Variants in N4BP2 observed in about 807,000 individuals in gnomAD.
N4BP2 encodes NEDD4 binding protein 2.
Under a neutral mutation model 152.8 loss-of-function variants are expected in N4BP2, and 91 were observed. That is an observed-to-expected ratio of 0.60 (90% CI 0.50 to 0.71). The LOEUF (loss-of-function observed/expected upper bound fraction) is 0.71. Among genes scored for constraint, N4BP2 ranks in the 30% least tolerant of loss-of-function variants. The pLI is 0.00. For missense variants in N4BP2, 1,923 were observed against 2,059.1 expected, an observed-to-expected ratio of 0.93 and a Z score of 1.28; for synonymous variants, 646 against 705.3, an observed-to-expected ratio of 0.92 and a Z score of 1.33.
rs756852007 is a variant in N4BP2 at position 40,144,757 on chromosome 4, A to C, written c.5100A>C (p.Glu1700Asp). Residue 1700 changes from glutamate to aspartate, a missense_variant, in exon 16 of 18, where the codon GAA becomes GAC. Physicochemically the swap from Glu to Asp is conservative, Grantham distance 45. Coordinates refer to ENST00000261435, the MANE Select transcript of N4BP2 (RefSeq NM_018177.6). ...ACCTCCATGGGCTGCATGTGGATGA[A>C]GCTCTAGAACATTTGATGAGAGTTT... ...VLDLHGLHVD[E>D]ALEHLMRVLE... is the part of the protein sequence containing the mutation. 1 of 1,613,866 alleles carries C rather than the reference A, an allele frequency of 6.2e-7. No individual in the cohort carries two copies. Among genetic ancestry groups the C allele is most frequent in the Non-Finnish European group, 8.5e-7 (1 of 1,179,926 alleles).
chr4:40,075,640 C>T (rs1385002783), intron 2 of N4BP2, among the ~76,000 whole-genome samples: 1 of 152,168 alleles, frequency 6.6e-6, no homozygotes, highest in Non-Finnish European at 1.5e-5. Flanking sequence ...TTATGATTCG[C>T]CTGCCTCGGC....
intron 2 of N4BP2, among the ~76,000 whole-genome samples, chr4:40,078,489 T>G (rs574866634): frequency 2.0e-5 from 3 of 151,914 alleles, no homozygotes; most frequent in African/African-American, 7.2e-5. Flanking sequence ...TTGCGTATGG[T>G]GGCATAGCAA....
At chr4:40,167,889 T>G in the N4BP2 span, 1 of 152,054 alleles carries the variant, frequency 6.6e-6, no homozygotes, top group Non-Finnish European at 1.5e-5. Flanking sequence ...CAGCAAAACC[T>G]AAGAGGTGGT....
chr4:40,106,013 T>A (rs1716241056), intron 4 of N4BP2, among the ~76,000 whole-genome samples: 1 of 152,232 alleles, frequency 6.6e-6, no homozygotes. Flanking sequence ...TTTGTGTCTT[T>A]TTTTGTTCAT....
At chr4:40,190,384 A>G in the N4BP2 span, among the ~76,000 whole-genome samples, 1 of 152,390 alleles carries the variant, frequency 6.6e-6, no homozygotes, top group Admixed American at 6.5e-5. Flanking sequence ...CAGATTATGC[A>G]TAAGGAATAA....
At chr4:40,116,594 C>T (rs1717358806) in intron 7 of N4BP2, among the ~76,000 whole-genome samples, 1 of 152,166 alleles carries the variant, frequency 6.6e-6, no homozygotes, top group Admixed American at 6.5e-5. Context: ...TTGCCTCCCT[C>T]TCAATTTACA....
At chr4:40,113,300 A>C in intron 6 of N4BP2, 132 bp from the exon 7 acceptor site, 1 of 613,738 alleles carries the variant, frequency 1.6e-6, no homozygotes, top group Non-Finnish European at 2.9e-6. Flanking sequence ...AAGTGATTGT[A>C]TATTTTGCCA....
intron 12 of N4BP2, among the ~76,000 whole-genome samples, chr4:40,131,468 C>G (rs1043045372): frequency 6.6e-6 from 1 of 151,828 alleles, no homozygotes; most frequent in Non-Finnish European, 1.5e-5. Context: ...GCCTCTATAT[C>G]TTCATCCTTT....
Position 40,154,821 on chromosome 4 carries a change from T to A in N4BP2, c.*584T>A, listed in dbSNP as rs1366709924. On this transcript the variant is annotated 3_prime_UTR_variant, in exon 18 of 18. Coordinates refer to ENST00000261435, the MANE Select transcript of N4BP2 (RefSeq NM_018177.6). ...TCTGCTTTGTATATGACCTTGATCTTTTACCTTTTGTTCTGTTCTTCTGTG... is the reference window on the plus strand; with the variant it reads ...TCTGCTTTGTATATGACCTTGATCTATTACCTTTTGTTCTGTTCTTCTGTG... The A allele has an allele frequency of 6.6e-6, 1 of 152,348 alleles. No homozygotes were observed. Among genetic ancestry groups the A allele is most frequent in the African/African-American group, 2.4e-5 (1 of 41,466 alleles). The allele number at this position is 152,348 out of a possible 1,614,324, so 9.4% of individuals were successfully genotyped here.
chr4:40,080,022 G>C (rs1053867505), intron 2 of N4BP2, among the ~76,000 whole-genome samples: 1 of 152,008 alleles, frequency 6.6e-6, no homozygotes, highest in Non-Finnish European at 1.5e-5. Flanking sequence ...TTGTTCATTT[G>C]AGCCAGTCCA....
chr4:40,183,783 G>C, the N4BP2 span, among the ~76,000 whole-genome samples: 1 of 152,238 alleles, frequency 6.6e-6, no homozygotes, highest in Admixed American at 6.5e-5. Flanking sequence ...AAAGTAAGAG[G>C]TGGTAAGTGA....
At chr4:40,078,893 A>T (rs1713061638) in intron 2 of N4BP2, among the ~76,000 whole-genome samples, 1 of 151,932 alleles carries the variant, frequency 6.6e-6, no homozygotes, top group African/African-American at 2.4e-5. Flanking sequence ...TTTTTTAAGA[A>T]AATCTGTAAT....
chr4:40,175,406 G>T, the N4BP2 span, among the ~76,000 whole-genome samples: 1 of 151,960 alleles, frequency 6.6e-6, no homozygotes, highest in Non-Finnish European at 1.5e-5. Context: ...AGGGTGGGAG[G>T]TAGGAAGTAG....
intron 2 of N4BP2, among the ~76,000 whole-genome samples, chr4:40,091,981 CAAAAAAAAAAAAA>C (rs1189250112): frequency 5.0e-5 from 1 of 20,034 alleles, no homozygotes; most frequent in Non-Finnish European, 8.4e-5. Flanking sequence ...GACCTTGTGT[CAAAAAAAAAAAAA>C]AAAAAAAAAA....
In N4BP2 at chr4:40,121,033, G is replaced by A. The variant is rs752817547; in HGVS notation, c.2922G>A (p.Ser974=). The change falls in exon 9 of 18, where the codon TCG becomes TCA. Residue 974 remains serine (S), a synonymous_variant. Transcript: ENST00000261435. ...AAAAGAGTCATGGGCAACACACATC[G>A]TTGCCTCTTACTTTTACCAATAGTG... is the stretch of plus-strand genomic sequence containing the variant. ...LSKKSHGQHT[S]LPLTFTNSAP... The A allele has an allele frequency of 2.2e-5, 36 of 1,613,908 alleles. No homozygotes were observed. The East Asian group carries it at 4.9e-4, about 22-fold the overall frequency.
intron 13 of N4BP2, 148 bp downstream of exon 13, chr4:40,132,067 A>G: frequency 3.3e-6 from 2 of 614,052 alleles, no homozygotes; most frequent in Admixed American, 2.7e-5. Flanking sequence ...CAGTGGGTGC[A>G]TGAAACCACG....
At chr4:40,148,099 C>T (rs1428998301) in intron 16 of N4BP2, among the ~76,000 whole-genome samples, 1 of 152,214 alleles carries the variant, frequency 6.6e-6, no homozygotes, top group East Asian at 1.9e-4. Flanking sequence ...CCAGGGCAGG[C>T]GGCTGGGAGG....
rs1338725615 is a variant in N4BP2 at position 40,056,961 on chromosome 4, C to T, written c.-281C>T. The T allele has an allele frequency of 6.6e-6, 1 of 152,146 alleles. No homozygotes were observed. The highest frequency in any genetic ancestry group is 1.5e-5 in the Non-Finnish European group (1 of 68,032). 9.4% of individuals were successfully genotyped at this position (152,146 alleles called of 1,614,324 possible). On this transcript the variant is annotated 5_prime_UTR_variant, in exon 1 of 18. Transcript: ENST00000261435. ...GCGCCGGCGGGAAAGGGCTGCGGAC[C>T]TGCGGCGCCGCGTTGTGCGTTCGAC... is the stretch of plus-strand genomic sequence containing the variant.
intron 5 of N4BP2, among the ~76,000 whole-genome samples, chr4:40,109,514 T>TGGCTAACC (rs1269972118): frequency 1.7e-3 from 256 of 152,288 alleles, no homozygotes; most frequent in African/African-American, 5.8e-3. Context: ...GGTCAGGAGT[T>TGGCTAACC]TGAGACCACC....
Sources: allele counts gnomAD v4.1 joint callset (sites outside exome capture counted in the v4.1 genomes callset), GRCh38; gene constraint gnomAD v4.1.1; transcripts MANE v1.5; gene names NCBI Gene and HGNC (gene_info 2026-07-23, HGNC 2026-07-21).